The following SLC25A13 variants were observed in gnomAD, a reference collection of about 807,000 sequenced individuals.
SLC25A13 encodes the protein electrogenic aspartate/glutamate antiporter SLC25A13, mitochondrial.
Under a neutral mutation model 85.5 loss-of-function variants are expected in SLC25A13, and 70 were observed. The ratio of observed to expected loss-of-function variants is 0.82; its 90% CI spans 0.68 to 1.00. The LOEUF (loss-of-function observed/expected upper bound fraction) is 1.00, where lower values mean the gene tolerates loss of function less well. SLC25A13 is among the 50% of genes least tolerant of loss of function. The pLI is 0.00. For synonymous variants in SLC25A13, 259 were observed against 288.7 expected (o/e 0.90, Z 1.04); for missense variants, 765 against 819.8 (o/e 0.93, Z 0.82).
At chr7:96,268,029 G>T (rs1438898638) in intron 3 of SLC25A13, among the ~76,000 whole-genome samples, 1 of 152,018 alleles carries the variant, frequency 6.6e-6, no homozygotes, top group South Asian at 2.1e-4. Context: ...ATTCCTTTGT[G>T]ACCCTAGCAA....
chr7:96,173,199 T>C (rs75584597), intron 11 of SLC25A13, among the ~76,000 whole-genome samples: 6,940 of 152,304 alleles, frequency 0.046, 205 homozygotes, highest in Admixed American at 0.088. Context: ...AAGTCCTTCA[T>C]TGTGGAATTA....
rs1343571487 is a variant in SLC25A13 at position 96,189,653 on chromosome 7, T to G, written c.776A>C (p.Gln259Pro). 1.2e-6 allele frequency: 2 copies of G among 1,613,684 alleles called. No individual in the cohort carries two copies. The highest frequency in any genetic ancestry group is 1.7e-5 in the Admixed American group (1 of 59,984). ...CATGGGTGTAACCTGACCAAATTTC[T>G]GAGCTGCCAGAACAAACTCCTCTGT... ...VTKEEFVLAAQKFGQVTPMEV... is the reference protein window; with the variant it reads ...VTKEEFVLAAPKFGQVTPMEV... Residue 259 changes from glutamine (Q) to proline (P), a missense_variant, in exon 8 of 18, where the codon CAG (glutamine) becomes CCG (proline). By Grantham distance (76) the Gln-to-Pro change is moderately conservative (BLOSUM62 -1). Coordinates refer to ENST00000265631, the MANE Select transcript of SLC25A13 (RefSeq NM_014251.3).
intron 4 of SLC25A13, among the ~76,000 whole-genome samples, chr7:96,229,183 G>A (rs529824444): frequency 1.3e-5 from 2 of 152,342 alleles, no homozygotes; most frequent in South Asian, 4.1e-4. Context: ...TGAGTCGGGT[G>A]GGGACTCGGA....
At chr7:96,251,140 A>G (rs1797408230) in intron 3 of SLC25A13, among the ~76,000 whole-genome samples, 1 of 152,172 alleles carries the variant, frequency 6.6e-6, no homozygotes, top group Non-Finnish European at 1.5e-5. Flanking sequence ...TCTTAGGGGA[A>G]GTGCCTTACA....
At chr7:96,215,716 A>C (rs1293022349) in intron 4 of SLC25A13, among the ~76,000 whole-genome samples, 5 of 152,176 alleles carry the variant, frequency 3.3e-5, no homozygotes, top group Non-Finnish European at 7.3e-5. Flanking sequence ...TTTCAAGAAA[A>C]TTTTAGAAAA....
At chr7:96,250,102 G>A (rs1343204262) in intron 3 of SLC25A13, among the ~76,000 whole-genome samples, 1 of 152,058 alleles carries the variant, frequency 6.6e-6, no homozygotes, top group Non-Finnish European at 1.5e-5. Flanking sequence ...CAGGAGAATT[G>A]TTTGAACCCA....
chr7:96,284,522 T>C (rs1045477667), intron 2 of SLC25A13, among the ~76,000 whole-genome samples: 1 of 152,208 alleles, frequency 6.6e-6, no homozygotes, highest in African/African-American at 2.4e-5. Context: ...TTTTCCCCAA[T>C]TTTCCCATCT....
chr7:96,151,529 G>A lies in SLC25A13; in HGVS notation c.1312-4833C>T, dbSNP rs144541567. Among the ~76,000 whole-genome samples the A allele has an allele frequency of 6.0e-3, 919 of 152,074 alleles. 11 individuals are homozygous for A. The highest frequency in any genetic ancestry group is 0.021 in the African/African-American group (870 of 41,468). The stretch of plus-strand genomic sequence containing the variant: ...GAAGAATCACTTGAACTCGGGAGGC[G>A]GAGATTTCAGTGAGCCAGGATCGTG... On this transcript the variant is annotated intron_variant, in intron 13 of 17. Coordinates refer to ENST00000265631, the MANE Select transcript of SLC25A13 (RefSeq NM_014251.3).
chr7:96,158,600 G>C (rs908787961), intron 13 of SLC25A13, among the ~76,000 whole-genome samples: 1 of 152,164 alleles, frequency 6.6e-6, no homozygotes, highest in African/African-American at 2.4e-5. Flanking sequence ...AATGACATGT[G>C]CTAAGAATAT....
At chr7:96,130,824 A>C (rs988210533) in intron 15 of SLC25A13, among the ~76,000 whole-genome samples, 1 of 152,200 alleles carries the variant, frequency 6.6e-6, no homozygotes, top group Non-Finnish European at 1.5e-5. Context: ...CTGCCTTTGA[A>C]GGAAAAGGAT....
intron 13 of SLC25A13, 137 bp downstream of exon 13, chr7:96,169,908 C>T (rs1047996891): frequency 2.3e-5 from 20 of 864,132 alleles, no homozygotes; most frequent in South Asian, 4.2e-5. Context: ...TAGGAAAAGC[C>T]GAGGTGCCCT....
chr7:96,251,171 G>T (rs965250574), intron 3 of SLC25A13, among the ~76,000 whole-genome samples: 1 of 152,154 alleles, frequency 6.6e-6, no homozygotes, highest in Non-Finnish European at 1.5e-5. Context: ...GAAGTACAAG[G>T]CCTCTAGGTG....
At chr7:96,238,100 G>A (rs1796812118) in intron 3 of SLC25A13, among the ~76,000 whole-genome samples, 1 of 152,178 alleles carries the variant, frequency 6.6e-6, no homozygotes, top group African/African-American at 2.4e-5. Context: ...AACTAGTTAA[G>A]ATGAGATCAT....
intron 4 of SLC25A13, among the ~76,000 whole-genome samples, chr7:96,227,398 T>A (rs572913470): frequency 6.6e-6 from 1 of 152,166 alleles, no homozygotes; most frequent in Non-Finnish European, 1.5e-5. Context: ...TTCAAGGCAA[T>A]AGCATGTGAA....
At chr7:96,135,315 C>T (rs1792229263) in intron 14 of SLC25A13, among the ~76,000 whole-genome samples, 1 of 152,150 alleles carries the variant, frequency 6.6e-6, no homozygotes, top group Non-Finnish European at 1.5e-5. Flanking sequence ...CAGGAGGCGG[C>T]CCTTCACCTC....
At chr7:96,264,172 C>A (rs1463836254) in intron 3 of SLC25A13, among the ~76,000 whole-genome samples, 1 of 152,166 alleles carries the variant, frequency 6.6e-6, no homozygotes, top group Non-Finnish European at 1.5e-5. Context: ...CCAACCCTTA[C>A]TACCTGGGCC....
At chr7:96,158,464 G>C (rs116492333) in intron 13 of SLC25A13, among the ~76,000 whole-genome samples, 2,228 of 152,202 alleles carry the variant, frequency 0.015, 56 homozygotes, top group African/African-American at 0.051. Flanking sequence ...CCTTTAATTT[G>C]AATTCACATG....
intron 13 of SLC25A13, among the ~76,000 whole-genome samples, chr7:96,163,938 A>C (rs1043030928): frequency 6.6e-6 from 1 of 152,174 alleles, no homozygotes; most frequent in Non-Finnish European, 1.5e-5. Flanking sequence ...AAAAGTAGAC[A>C]CCAGAAGAGG....
Position 96,121,598 on chromosome 7 carries a change from G to T in SLC25A13, c.1841+57C>A, listed in dbSNP as rs182964818. On this transcript the variant is annotated intron_variant, in intron 17 of 17. Coordinates refer to ENST00000265631, the MANE Select transcript of SLC25A13 (RefSeq NM_014251.3). ...ACTAGACTGAGGTACCTTTCCCTAC[G>T]ACAACAGAGCATTAGCAGCAGCCAA... 6.5e-6 allele frequency: 10 copies of T among 1,537,234 alleles called. No individual in the cohort carries two copies. The African/African-American group carries it at 6.8e-5, about 11-fold the overall frequency.
Sources: gnomAD v4.1 joint callset for allele counts (sites outside exome capture counted in the v4.1 genomes callset) on GRCh38, gnomAD v4.1.1 for gene constraint, MANE v1.5 for transcripts, NCBI Gene and HGNC (gene_info 2026-07-23, HGNC 2026-07-21) for gene names.